Variants in SUPT4H1 observed in about 807,000 individuals in gnomAD.
SUPT4H1 encodes the protein transcription elongation factor SPT4.
In SUPT4H1, 12 loss-of-function variants were observed where a neutral mutation model predicts 19.4. That is an observed-to-expected ratio of 0.62 (90% CI 0.40 to 1.00). The LOEUF is 1.00. SUPT4H1 is among the 50% of genes least tolerant of loss of function. The probability of loss-of-function intolerance (pLI) is 0.00; values close to 1 mark genes in which losing one functional copy is unlikely to be tolerated. For synonymous variants in SUPT4H1, 58 were observed against 56.3 expected, an observed-to-expected ratio of 1.03 and a Z score of -0.14; for missense variants, 115 against 149.2, an observed-to-expected ratio of 0.77 and a Z score of 1.19.
At chr17:58,349,655 G>A (rs1972414892) in intron 2 of SUPT4H1, among the ~76,000 whole-genome samples, 1 of 152,242 alleles carries the variant, frequency 6.6e-6, no homozygotes. Flanking sequence ...ATTGATGAAT[G>A]AATGGGCAGC....
chr17:58,347,408 C>T, intron 3 of SUPT4H1, 121 bp downstream of exon 3: 1 of 1,399,826 alleles, frequency 7.1e-7, no homozygotes, highest in Non-Finnish European at 1.0e-6. Context: ...CCCTGTGTTT[C>T]CTACAACCCG....
At position 58,347,430 on chromosome 17, in the gene SUPT4H1, CCT is replaced by C. The variant is rs1442498707; in HGVS notation, c.232+97_232+98del. ...TTTCCTACAACCCGATCTTTCCCAC[CCT>C]GAGGTCACTCATCTTGCTGATTTGA... On this transcript the variant is annotated intron_variant, in intron 3 of 4. Coordinates refer to ENST00000225504, the MANE Select transcript of SUPT4H1 (RefSeq NM_003168.3). 1.2e-5 allele frequency: 18 copies of C among 1,477,242 alleles called. 1 individual carries two copies. The highest frequency in any genetic ancestry group is 1.7e-5 in the Non-Finnish European group (18 of 1,056,052). 91.5% of individuals were successfully genotyped at this position (1,477,242 alleles called of 1,614,324 possible).
At chr17:58,347,344 G>T in intron 3 of SUPT4H1, 103 bp from the exon 4 acceptor site, 1 of 1,410,234 alleles carries the variant, frequency 7.1e-7, no homozygotes, top group Non-Finnish European at 1.0e-6. Flanking sequence ...CAAGAGAAGA[G>T]CTATTCCCTC....
rs530588276 is a variant in SUPT4H1 at position 58,347,374 on chromosome 17, A to G, written c.233-133T>C. 17 of 1,337,052 alleles carry G rather than the reference A, an allele frequency of 1.3e-5. No individual in the cohort carries two copies. The African/African-American group carries it at 2.3e-4, about 18-fold the overall frequency. 82.8% of individuals were successfully genotyped at this position (1,337,052 alleles called of 1,614,324 possible). A position where few individuals can be genotyped will look rare whatever the true frequency, so the allele number is the denominator to read the frequency against. ...TCCCTCTTTTGGCTACAAGTGTTAA[A>G]TGACAAGGCACAGGACACTGCTTCC... On this transcript the variant is annotated intron_variant, in intron 3 of 4. Coordinates refer to ENST00000225504, the MANE Select transcript of SUPT4H1 (RefSeq NM_003168.3).
At chr17:58,349,840 A>G (rs776507250) in intron 2 of SUPT4H1, among the ~76,000 whole-genome samples, 23 of 152,246 alleles carry the variant, frequency 1.5e-4, no homozygotes, top group Admixed American at 1.5e-3. Flanking sequence ...CCAAATTCAT[A>G]GAGACAAAGC....
chr17:58,351,544 T>G (rs568124021), intron 1 of SUPT4H1, 36 bp from the exon 2 acceptor site: 7 of 1,442,972 alleles, frequency 4.9e-6, no homozygotes, highest in South Asian at 1.2e-5. Flanking sequence ...AAAGGAGAGA[T>G]AAGCATGAAC....
chr17:58,348,121 A>G (rs1314902863), intron 2 of SUPT4H1, among the ~76,000 whole-genome samples: 1 of 152,236 alleles, frequency 6.6e-6, no homozygotes, highest in Non-Finnish European at 1.5e-5. Context: ...AACACCTAGC[A>G]CAAAGACTAG....
Position 58,351,428 on chromosome 17 carries a change from A to G in SUPT4H1, c.150T>C (p.Tyr50=). 1 of 1,613,888 alleles carries G rather than the reference A, an allele frequency of 6.2e-7. No homozygotes were observed. Among genetic ancestry groups the G allele is most frequent in the East Asian group, 2.2e-5 (1 of 44,888 alleles). The change falls in exon 2 of 5, where the codon TAT becomes TAC. Residue 50 remains tyrosine (Y), a synonymous_variant. Coordinates refer to ENST00000225504, the MANE Select transcript of SUPT4H1 (RefSeq NM_003168.3). ...CATCAAAGGAAGAGCTAGTGCAGTC[A>G]TATACCATCTCTCGGTTACCCTTCA... is the stretch of plus-strand genomic sequence containing the variant. The part of the protein sequence containing the change: ...LQMKGNREMV[Y]DCTSSSFDGI...
At chr17:58,347,781 A>AG in intron 2 of SUPT4H1, among the ~76,000 whole-genome samples, 197 bp from the exon 3 acceptor site, 1 of 152,354 alleles carries the variant, frequency 6.6e-6, no homozygotes, top group Middle Eastern at 3.4e-3. Flanking sequence ...TTGGCCGGCC[A>AG]GCCACAGGTC....
Sources: gnomAD v4.1 joint callset for allele counts (sites outside exome capture counted in the v4.1 genomes callset) on GRCh38, gnomAD v4.1.1 for gene constraint, MANE v1.5 for transcripts, NCBI Gene and HGNC (gene_info 2026-07-23, HGNC 2026-07-21) for gene names.